C8orf34: variants seen among roughly 807,000 people sequenced by gnomAD.
The protein encoded by C8orf34 is uncharacterized protein C8orf34.
Under a neutral mutation model 68.3 loss-of-function variants are expected in C8orf34, and 65 were observed. That is an observed-to-expected ratio of 0.95 (90% confidence interval 0.78 to 1.17). The LOEUF (loss-of-function observed/expected upper bound fraction) is 1.17. Among genes scored for constraint, C8orf34 ranks in the 50% most tolerant of loss-of-function variants. C8orf34 has a pLI of 0.00. For synonymous variants in C8orf34, 244 were observed against 241.2 expected (o/e 1.01, Z -0.11); for missense variants, 664 against 655.4 (o/e 1.01, Z -0.14).
chr8:68,438,135 C>A (rs1260018979), intron 1 of C8orf34: 1 of 151,994 alleles, frequency 6.6e-6, no homozygotes, highest in Non-Finnish European at 1.5e-5. Flanking sequence ...TTGATTCATT[C>A]AATAGGTATT....
chr8:68,379,263 TG>T (rs1807933087), intron 1 of C8orf34, among the ~76,000 whole-genome samples: 1 of 152,236 alleles, frequency 6.6e-6, no homozygotes, highest in South Asian at 2.1e-4. Flanking sequence ...CGAAGATTTT[TG>T]CACCTTTAAG....
chr8:68,593,803 G>T (rs2130452822), intron 7 of C8orf34, among the ~76,000 whole-genome samples: 1 of 151,788 alleles, frequency 6.6e-6, no homozygotes, highest in South Asian at 2.1e-4. Flanking sequence ...TCTAGCCTTT[G>T]TCATTTTATT....
intron 4 of C8orf34, among the ~76,000 whole-genome samples, chr8:68,482,397 C>T (rs1160319852): frequency 6.6e-6 from 1 of 152,142 alleles, no homozygotes; most frequent in Non-Finnish European, 1.5e-5. Context: ...GCTCTTTGCT[C>T]TAAAAGCAAT....
chr8:68,754,639 G>T (rs1448278004), intron 10 of C8orf34, among the ~76,000 whole-genome samples: 1 of 152,170 alleles, frequency 6.6e-6, no homozygotes, highest in Non-Finnish European at 1.5e-5. Flanking sequence ...TGTACTATTT[G>T]CATGAATGAC....
intron 9 of C8orf34, among the ~76,000 whole-genome samples, chr8:68,716,786 G>C (rs535365533): frequency 3.3e-5 from 5 of 152,068 alleles, no homozygotes; most frequent in African/African-American, 1.2e-4. Context: ...AAATGCCTTA[G>C]AGAAATAAGT....
At chr8:68,517,583 T>C (rs989175161) in intron 5 of C8orf34, among the ~76,000 whole-genome samples, 4 of 152,204 alleles carry the variant, frequency 2.6e-5, no homozygotes, top group African/African-American at 7.2e-5. Context: ...TCACACTGTT[T>C]ATTCTCTCTC....
At chr8:68,332,655 GGAGGACGGGTTTCACATAACAA>G (rs1805677245) in intron 1 of C8orf34, among the ~76,000 whole-genome samples, 1 of 152,110 alleles carries the variant, frequency 6.6e-6, no homozygotes, top group Admixed American at 6.5e-5. Context: ...AGGTCTTTTG[GGAGGACGGGTTTCACATAACAA>G]GATTTGCAAG....
intron 6 of C8orf34, among the ~76,000 whole-genome samples, chr8:68,524,004 G>A (rs1814870107): frequency 6.6e-6 from 1 of 152,192 alleles, no homozygotes. Flanking sequence ...CAAAGGCACA[G>A]GCTGACGCTA....
At chr8:68,598,191 G>T (rs1817600678) in intron 7 of C8orf34, among the ~76,000 whole-genome samples, 1 of 152,086 alleles carries the variant, frequency 6.6e-6, no homozygotes, top group East Asian at 1.9e-4. Flanking sequence ...AATCCTTGAT[G>T]CATTTCTGCT....
intron 1 of C8orf34, among the ~76,000 whole-genome samples, chr8:68,430,883 TC>T (rs376469345): frequency 1.0e-3 from 153 of 152,268 alleles, no homozygotes; most frequent in African/African-American, 3.5e-3. Flanking sequence ...ACATTTTTTT[TC>T]CTTATAGGAA....
chr8:68,773,866 C>G (rs1308378988), intron 10 of C8orf34, among the ~76,000 whole-genome samples: 1 of 152,094 alleles, frequency 6.6e-6, no homozygotes, highest in African/African-American at 2.4e-5. Flanking sequence ...GCAAGGCTGT[C>G]AAGAAGCTTG....
chr8:68,730,464 T>G (rs1371682885), intron 10 of C8orf34, among the ~76,000 whole-genome samples: 2 of 152,122 alleles, frequency 1.3e-5, no homozygotes, highest in Non-Finnish European at 2.9e-5. Context: ...GATTTTTCCT[T>G]TTGACATTTC....
At chr8:68,460,511 AC>A (rs2129628828) in intron 3 of C8orf34, among the ~76,000 whole-genome samples, 1 of 152,232 alleles carries the variant, frequency 6.6e-6, no homozygotes, top group East Asian at 1.9e-4. Context: ...CTGACCCCTG[AC>A]CCCTGAGCAG....
chr8:68,798,325 T>C (rs987013000), intron 12 of C8orf34, among the ~76,000 whole-genome samples: 4 of 149,480 alleles, frequency 2.7e-5, no homozygotes, highest in African/African-American at 9.9e-5. Context: ...AGTCTCATTC[T>C]GTCACCCAGG....
intron 6 of C8orf34, among the ~76,000 whole-genome samples, chr8:68,530,985 C>T (rs1242064543): frequency 6.6e-6 from 1 of 152,074 alleles, no homozygotes; most frequent in Non-Finnish European, 1.5e-5. Flanking sequence ...TCCACATACC[C>T]TCCACCTGTA....
chr8:68,436,261 CTGAG>C lies in C8orf34; in HGVS notation c.328-3235_328-3232del, dbSNP rs1290587802. ...AATAGTGGCTATCAGATTTCAAAGACTGAGTGTCTAATCACTAGTTTCCTGTATC... is the reference window on the plus strand; with the variant it reads ...AATAGTGGCTATCAGATTTCAAAGACTGTCTAATCACTAGTTTCCTGTATC... On this transcript the variant is annotated intron_variant, in intron 1 of 13. Coordinates refer to ENST00000518698, the MANE Select transcript of C8orf34 (RefSeq NM_052958.4). Among the ~76,000 whole-genome samples the C allele has an allele frequency of 6.6e-5, 10 of 152,178 alleles. No individual in the cohort carries two copies. The South Asian group carries it at 1.9e-3, about 28-fold the overall frequency.
chr8:68,529,033 C>T (rs1199082919), intron 6 of C8orf34, among the ~76,000 whole-genome samples: 1 of 152,128 alleles, frequency 6.6e-6, no homozygotes, highest in Non-Finnish European at 1.5e-5. Flanking sequence ...CTCTTCATTC[C>T]CTGCACCATT....
intron 10 of C8orf34, among the ~76,000 whole-genome samples, chr8:68,771,781 A>T (rs114790396): frequency 0.017 from 2,519 of 151,578 alleles, 66 homozygotes; most frequent in African/African-American, 0.053. Flanking sequence ...ATGTTTGTTT[A>T]AAAAAAAATG....
intron 5 of C8orf34, among the ~76,000 whole-genome samples, chr8:68,517,789 TTC>T (rs2129634175): frequency 6.6e-6 from 1 of 152,336 alleles, no homozygotes; most frequent in South Asian, 2.1e-4. Flanking sequence ...CTTTGTTCAT[TTC>T]TTTGTTTCAA....
Sources: gnomAD v4.1 joint callset for allele counts (sites outside exome capture counted in the v4.1 genomes callset) on GRCh38, gnomAD v4.1.1 for gene constraint, MANE v1.5 for transcripts, NCBI Gene and HGNC (gene_info 2026-07-23, HGNC 2026-07-21) for gene names.